PRDM11: variants seen among roughly 807,000 people sequenced by gnomAD.
PRDM11 encodes the protein PR domain-containing protein 11.
A neutral mutation model predicts 97.8 loss-of-function variants in PRDM11; 20 were observed. The observed-to-expected ratio is 0.20, with a 90% confidence interval of 0.14 to 0.30. The LOEUF (loss-of-function observed/expected upper bound fraction) is 0.30, where lower values mean the gene tolerates loss of function less well. Among genes scored for constraint, PRDM11 ranks in the 10% least tolerant of loss-of-function variants. The pLI, the probability that PRDM11 is intolerant of heterozygous loss-of-function variation, is 1.00. For synonymous variants in PRDM11, 599 were observed against 637.7 expected, an observed-to-expected ratio of 0.94 and a Z score of 0.91; for missense variants, 1,139 against 1,555.2, an observed-to-expected ratio of 0.73 and a Z score of 4.50.
chr11:45,117,316 C>G (rs1852326606), intron 1 of PRDM11, among the ~76,000 whole-genome samples: 1 of 151,444 alleles, frequency 6.6e-6, no homozygotes, highest in South Asian at 2.1e-4. Flanking sequence ...AGATGATAAC[C>G]CAAAGCATAA....
upstream of PRDM11, among the ~76,000 whole-genome samples, chr11:45,094,276 T>A (rs919584292): frequency 6.6e-6 from 1 of 151,774 alleles, no homozygotes; most frequent in African/African-American, 2.4e-5. Context: ...GACGATGGGG[T>A]GCCATGACCT....
At chr11:45,111,980 A>G (rs1050613460) in intron 1 of PRDM11, among the ~76,000 whole-genome samples, 1 of 152,020 alleles carries the variant, frequency 6.6e-6, no homozygotes, top group East Asian at 1.9e-4. Flanking sequence ...TTTTTGGGGT[A>G]CAGGTGGTCT....
intron 5 of PRDM11, chr11:45,209,231 G>A (rs757279797): frequency 5.6e-5 from 23 of 412,316 alleles, no homozygotes; most frequent in South Asian, 3.0e-4. Flanking sequence ...CGCTGCTCAC[G>A]GCCCGTGCAG....
chr11:45,226,905 C>T lies in PRDM11; in HGVS notation c.2280C>T (p.Phe760=). ...KTLPWLLCLP[F]MVHRPHLEIL... ...TGCCCTGGCTGCTGTGCCTGCCCTT[C>T]ATGGTGCACCGGCCCCACCTGGAGA... The change falls in exon 8 of 8, where the codon TTC becomes TTT. Residue 760 remains phenylalanine, a synonymous_variant. Coordinates refer to ENST00000683152, the MANE Select transcript of PRDM11 (RefSeq NM_001384648.1). The T allele has an allele frequency of 6.5e-7, 1 of 1,533,980 alleles. No individual in the cohort carries two copies. The highest frequency in any genetic ancestry group is 8.7e-7 in the Non-Finnish European group (1 of 1,146,732).
In PRDM11 at chr11:45,146,807, C is replaced by T. The variant is rs1318113586; in HGVS notation, c.-77C>T. 2.1e-5 allele frequency: 3 copies of T among 143,936 alleles called. No individual in the cohort carries two copies. The highest frequency in any genetic ancestry group is 7.0e-5 in the Admixed American group (1 of 14,338). The allele number at this position is 143,936 out of a possible 1,614,324, so 8.9% of individuals were successfully genotyped here. On this transcript the variant is annotated 5_prime_UTR_variant, in exon 1 of 8. Coordinates refer to ENST00000683152, the MANE Select transcript of PRDM11 (RefSeq NM_001384648.1). ...GGGGCCGCCAGCCGAGGCCGCGCCG[C>T]CTCCGCCGAGCCGCCCGCCGGGCCG...
intron 5 of PRDM11, among the ~76,000 whole-genome samples, chr11:45,205,057 C>T (rs1853459719): frequency 2.0e-5 from 3 of 152,034 alleles, no homozygotes; most frequent in Admixed American, 2.0e-4. Flanking sequence ...AGGCTCCTGG[C>T]AGCATTCCTA....
chr11:45,143,844 TC>T (rs1851453342), upstream of PRDM11, among the ~76,000 whole-genome samples: 1 of 152,212 alleles, frequency 6.6e-6, no homozygotes, highest in Non-Finnish European at 1.5e-5. Flanking sequence ...AATCCTGTTC[TC>T]CTTCCCCTTC....
chr11:45,181,941 G>T, intron 2 of PRDM11, 56 bp downstream of exon 2: 1 of 1,521,142 alleles, frequency 6.6e-7, no homozygotes. Flanking sequence ...AGGTGCCTGG[G>T]CTCGGTTGGT....
intron 1 of PRDM11, among the ~76,000 whole-genome samples, chr11:45,107,955 A>G (rs1162939358): frequency 6.6e-6 from 1 of 151,418 alleles, no homozygotes; most frequent in Non-Finnish European, 1.5e-5. Context: ...TCAGCCTCCC[A>G]AGTAGCTGGG....
At chr11:45,158,045 C>T (rs1008399633) in intron 1 of PRDM11, among the ~76,000 whole-genome samples, 1 of 152,196 alleles carries the variant, frequency 6.6e-6, no homozygotes, top group Admixed American at 6.5e-5. Flanking sequence ...AGGGCTGAGA[C>T]CTGCCTCTGT....
At position 45,229,178 on chromosome 11, in the gene PRDM11, A is replaced by G. The variant is rs1854347393; in HGVS notation, c.*1019A>G. ...ATTTATACTTTTTCTTTATAATCAT[A>G]TCATGTGTTGAGGGTATTTTTTTTC... On this transcript the variant is annotated 3_prime_UTR_variant, in exon 8 of 8. Coordinates refer to ENST00000683152, the MANE Select transcript of PRDM11 (RefSeq NM_001384648.1). 6.6e-6 allele frequency: 1 copy of G among 152,210 alleles called. No individual in the cohort carries two copies. 9.4% of individuals were successfully genotyped at this position (152,210 alleles called of 1,614,324 possible).
chr11:45,100,709 T>C (rs1479508800), intron 1 of PRDM11, among the ~76,000 whole-genome samples: 5 of 152,232 alleles, frequency 3.3e-5, no homozygotes, highest in African/African-American at 4.8e-5. Context: ...CCTTTCTTTA[T>C]GGAACTGAGG....
chr11:45,211,218 C>T (rs551007523), intron 5 of PRDM11, among the ~76,000 whole-genome samples: 1 of 152,170 alleles, frequency 6.6e-6, no homozygotes, highest in African/African-American at 2.4e-5. Flanking sequence ...TGCTGTCCCA[C>T]CAAACACTGC....
intron 1 of PRDM11, among the ~76,000 whole-genome samples, chr11:45,171,351 C>T (rs1006162630): frequency 2.0e-5 from 3 of 152,182 alleles, no homozygotes; most frequent in African/African-American, 4.8e-5. Context: ...TCACCCACCT[C>T]GGCCTCCCAA....
In PRDM11 at chr11:45,228,265, T is replaced by TTATATATATATA. The variant is rs371239644; in HGVS notation, c.*115_*126dup. The TTATATATATATA allele has an allele frequency of 1.7e-3, 202 of 119,532 alleles. No homozygotes were observed. Among genetic ancestry groups the TTATATATATATA allele is most frequent in the South Asian group, 6.5e-3 (20 of 3,100 alleles). 7.4% of individuals were successfully genotyped at this position (119,532 alleles called of 1,614,324 possible). A position where few individuals can be genotyped will look rare whatever the true frequency, so the allele number is the denominator to read the frequency against. On this transcript the variant is annotated 3_prime_UTR_variant, in exon 8 of 8. Transcript: ENST00000683152. Reference sequence around the variant, plus strand: ...ATATATTATATTATATTATATTATATTATATATATATATATATATAAACTC... The same window carrying TTATATATATATA: ...ATATATTATATTATATTATATTATATTATATATATATATATATATATATATATATATAAACTC...
Position 45,230,517 on chromosome 11 carries a change from A to T in PRDM11, c.*2358A>T, listed in dbSNP as rs893382585. On this transcript the variant is annotated 3_prime_UTR_variant, in exon 8 of 8. Coordinates refer to ENST00000683152, the MANE Select transcript of PRDM11 (RefSeq NM_001384648.1). ...GTCAAATGGGATGCTGTTGCAAAGC[A>T]CCAGGTCCCACCTGGCCCAGCCCCA... is the stretch of plus-strand genomic sequence containing the variant. The T allele has an allele frequency of 3.3e-5, 5 of 152,262 alleles. No individual in the cohort carries two copies. The highest frequency in any genetic ancestry group is 1.2e-4 in the African/African-American group (5 of 41,452). 9.4% of individuals were successfully genotyped at this position (152,262 alleles called of 1,614,324 possible). A position where few individuals can be genotyped will look rare whatever the true frequency, so the allele number is the denominator to read the frequency against.
At chr11:45,193,015 G>A (rs1852970547) in intron 4 of PRDM11, among the ~76,000 whole-genome samples, 1 of 152,200 alleles carries the variant, frequency 6.6e-6, no homozygotes, top group Non-Finnish European at 1.5e-5. Flanking sequence ...TGTGTTCAGT[G>A]TGATATCTTT....
intron 5 of PRDM11, chr11:45,212,695 C>A: frequency 2.2e-6 from 1 of 456,540 alleles, no homozygotes; most frequent in Non-Finnish European, 4.4e-6. Flanking sequence ...GCCCACCCAC[C>A]ACGGGCCTTG....
At chr11:45,165,497 A>G (rs751806444) in intron 1 of PRDM11, among the ~76,000 whole-genome samples, 6 of 152,218 alleles carry the variant, frequency 3.9e-5, no homozygotes, top group Admixed American at 6.5e-5. Context: ...GGTCTCTGCC[A>G]CGCAGGCCGC....
Sources: allele counts gnomAD v4.1 joint callset (sites outside exome capture counted in the v4.1 genomes callset), GRCh38; gene constraint gnomAD v4.1.1; transcripts MANE v1.5; gene names NCBI Gene and HGNC (gene_info 2026-07-23, HGNC 2026-07-21).